The following ZNF268 variants were observed in gnomAD, a reference collection of about 807,000 sequenced individuals.
ZNF268 encodes the protein zinc finger protein 3.
In ZNF268, 20 loss-of-function variants were observed where a neutral mutation model predicts 29.3. The ratio of observed to expected loss-of-function variants is 0.68; its 90% CI spans 0.48 to 0.99. The LOEUF is 0.99. Among genes scored for constraint, ZNF268 ranks in the 50% least tolerant of loss-of-function variants. ZNF268 has a pLI of 0.00. For synonymous variants in ZNF268, 429 were observed against 376.9 expected, an observed-to-expected ratio of 1.14 and a Z score of -1.60; for missense variants, 1,240 against 1,121.6, an observed-to-expected ratio of 1.11 and a Z score of -1.51.
Position 133,188,004 on chromosome 12 carries a change from C to T in ZNF268, c.166C>T (p.Arg56Cys), listed in dbSNP as rs781577602. The T allele has an allele frequency of 6.3e-6, 10 of 1,596,434 alleles. No individual in the cohort carries two copies. Among genetic ancestry groups the T allele is most frequent in the East Asian group, 2.2e-5 (1 of 44,476 alleles). The stretch of plus-strand genomic sequence containing the variant: ...AACACCCAGGCAGAAGCAGAAGAGT[C>T]GCAGAATAGAGAAAGTCCTAGAGTG... The part of the protein sequence containing the change: ...PGTPRQKQKS[R>C]RIEKVLEWLF... Residue 56 changes from arginine (R) to cysteine (C), a missense_variant, in exon 3 of 6, where the codon CGC (arginine) becomes TGC (cysteine). Arg to Cys is a radical substitution (Grantham distance 180, BLOSUM62 -3). Coordinates refer to ENST00000536435, the MANE Select transcript of ZNF268 (RefSeq NM_003415.3).
Position 133,204,079 on chromosome 12 carries a change from A to G in ZNF268, c.2393A>G (p.His798Arg). Residue 798 changes from histidine (H) to arginine (R), a missense_variant, in exon 6 of 6, where the codon CAC becomes CGC. Transcript: ENST00000536435. ...AGCAGCAAGTCATACCTAATTATAC[A>G]CATGAGAACTCATTCAGGTGAAAAA... ...AFSSKSYLII[H>R]MRTHSGEKPY... 1 of 1,553,458 alleles carries G rather than the reference A, an allele frequency of 6.4e-7. No homozygotes were observed. Among genetic ancestry groups the G allele is most frequent in the East Asian group, 2.4e-5 (1 of 41,496 alleles).
intron 2 of ZNF268, among the ~76,000 whole-genome samples, chr12:133,183,624 G>C (rs908432233): frequency 2.6e-5 from 4 of 152,186 alleles, no homozygotes; most frequent in Non-Finnish European, 4.4e-5. Flanking sequence ...TGTGGGCCTG[G>C]TTGGGAGTGT....
rs1957026197 is a variant in ZNF268 at position 133,214,351 on chromosome 12, C to T, written c.*9821C>T. 6.6e-6 allele frequency: 1 copy of T among 152,138 alleles called. No individual in the cohort carries two copies. Among genetic ancestry groups the T allele is most frequent in the African/African-American group, 2.4e-5 (1 of 41,438 alleles). The allele number at this position is 152,138 out of a possible 1,614,324, so 9.4% of individuals were successfully genotyped here. On this transcript the variant is annotated 3_prime_UTR_variant, in exon 6 of 6. Coordinates refer to ENST00000536435, the MANE Select transcript of ZNF268 (RefSeq NM_003415.3). ...GTAAAGCTGCTATGACTGACCCTTG[C>T]TACAACGTGGAGGAACCTCAGAAAC...
At position 133,204,430 on chromosome 12, in the gene ZNF268, C is replaced by G. The variant is rs755999006; in HGVS notation, c.2744C>G (p.Thr915Arg). Residue 915 changes from threonine (T) to arginine (R), a missense_variant, in exon 6 of 6, where the codon ACA (threonine) becomes AGA (arginine). Transcript: ENST00000536435. Reference sequence around the variant, plus strand: ...CTCAGTGCACATCAGAGAACACATACAGGAGAGAAGCCTTGTAAGTGCACT... The same window carrying G: ...CTCAGTGCACATCAGAGAACACATAGAGGAGAGAAGCCTTGTAAGTGCACT... Reference protein sequence around the residue: ...SILSAHQRTHTGEKPCKCTEC... With the variant: ...SILSAHQRTHRGEKPCKCTEC... The G allele has an allele frequency of 3.2e-6, 5 of 1,565,998 alleles. No homozygotes were observed. In the Admixed American group the frequency reaches 9.3e-5, roughly 29 times the overall value.
In ZNF268 at chr12:133,214,565, G is replaced by GTATGA. The variant is rs1957029772; in HGVS notation, c.*10038_*10042dup. On this transcript the variant is annotated 3_prime_UTR_variant, in exon 6 of 6. Transcript: ENST00000536435. ...GCTGGCCACAAAAAGGTCACATACT[G>GTATGA]TATGATACCACTTATATGAAATACC... 6.6e-6 allele frequency: 1 copy of GTATGA among 152,192 alleles called. No homozygotes were observed. Among genetic ancestry groups the GTATGA allele is most frequent in the Non-Finnish European group, 1.5e-5 (1 of 68,034 alleles). The allele number at this position is 152,192 out of a possible 1,614,324, so 9.4% of individuals were successfully genotyped here.
In ZNF268 at chr12:133,203,968, T is replaced by C. The variant is rs142121386; in HGVS notation, c.2282T>C (p.Phe761Ser). The change falls in exon 6 of 6, where the codon TTT becomes TCT. Residue 761 changes from phenylalanine (F) to serine (S), a missense_variant. This residue lies in a region of ZNF268 where 1,177 missense variants were observed against 1,039.6 expected (regional missense o/e 1.13). Transcript: ENST00000536435. ...GAATGCAGTGAATGTGGGAAAGCCT[T>C]TAATAGGAAAGACCAGCTCATTTCA... ...PYECSECGKA[F>S]NRKDQLISHQ... 522 of 1,592,626 alleles carry C rather than the reference T, an allele frequency of 3.3e-4. 1 individual carries two copies. The East Asian group carries it at 4.1e-3, about 12-fold the overall frequency.
chr12:133,188,133 A>G (rs1366140944), intron 3 of ZNF268, 61 bp downstream of exon 3: 1 of 1,395,880 alleles, frequency 7.2e-7, no homozygotes, highest in Non-Finnish European at 9.7e-7. Flanking sequence ...TTTTTGGTGC[A>G]GAGAGGGATG....
Position 133,209,862 on chromosome 12 carries a change from T to C in ZNF268, c.*5332T>C, listed in dbSNP as rs930305038. On this transcript the variant is annotated 3_prime_UTR_variant, in exon 6 of 6. Coordinates refer to ENST00000536435, the MANE Select transcript of ZNF268 (RefSeq NM_003415.3). ...TAGGGTGCACATTTGCCCTTCCCTC[T>C]TGGGATCCAGGGTGATCCCACAGGT... 6.6e-6 allele frequency: 1 copy of C among 152,230 alleles called. No homozygotes were observed. Among genetic ancestry groups the C allele is most frequent in the African/African-American group, 2.4e-5 (1 of 41,456 alleles). 9.4% of individuals were successfully genotyped at this position (152,230 alleles called of 1,614,324 possible).
Position 133,204,031 on chromosome 12 carries a change from G to T in ZNF268, c.2345G>T (p.Cys782Phe). 1 of 1,572,564 alleles carries T rather than the reference G, an allele frequency of 6.4e-7. No homozygotes were observed. Among genetic ancestry groups the T allele is most frequent in the Non-Finnish European group, 8.6e-7 (1 of 1,162,076 alleles). Reference protein sequence around the residue: ...RTHAGEKPYGCSECGKAFSSK... With the variant: ...RTHAGEKPYGFSECGKAFSSK... The stretch of plus-strand genomic sequence containing the variant: ...CATGCAGGGGAAAAGCCTTATGGGT[G>T]CAGTGAATGTGGGAAAGCTTTTAGC... Residue 782 changes from cysteine to phenylalanine, a missense_variant, in exon 6 of 6, where the codon TGC becomes TTC. By Grantham distance (205) the Cys-to-Phe change is radical. This residue lies in a region of ZNF268 where 1,177 missense variants were observed against 1,039.6 expected (regional missense o/e 1.13). Coordinates refer to ENST00000536435, the MANE Select transcript of ZNF268 (RefSeq NM_003415.3).
rs375646445 is a variant in ZNF268, at chr12:133,211,209, A to AC, written c.*6679_*6680insC. On this transcript the variant is annotated 3_prime_UTR_variant, in exon 6 of 6. Transcript: ENST00000536435. Reference sequence around the variant, plus strand: ...GAAAAAGTGTTTGTATGCAAAATATAAAAAAAAAACCCTAAAATTGAACAA... The same window carrying AC: ...GAAAAAGTGTTTGTATGCAAAATATACAAAAAAAAACCCTAAAATTGAACAA... 0.64 allele frequency: 210,089 copies of AC among 326,138 alleles called. 64,449 individuals are homozygous for AC. The highest frequency in any genetic ancestry group is 0.91 in the East Asian group (11,777 of 12,942). 20.2% of individuals were successfully genotyped at this position (326,138 alleles called of 1,614,324 possible).
Position 133,211,308 on chromosome 12 carries a change from A to G in ZNF268, c.*6778A>G, listed in dbSNP as rs1956976660. ...AAAGATATACAGATGGTGGCCAGGC[A>G]CGGTGGCTCACGCCTGTAATCCCAG... is the stretch of plus-strand genomic sequence containing the variant. On this transcript the variant is annotated 3_prime_UTR_variant, in exon 6 of 6. Coordinates refer to ENST00000536435, the MANE Select transcript of ZNF268 (RefSeq NM_003415.3). 8.8e-6 allele frequency: 3 copies of G among 341,882 alleles called. No individual in the cohort carries two copies. Among genetic ancestry groups the G allele is most frequent in the South Asian group, 6.9e-5 (3 of 43,448 alleles). The allele number at this position is 341,882 out of a possible 1,614,324, so 21.2% of individuals were successfully genotyped here.
chr12:133,196,908 T>C (rs974665628), intron 5 of ZNF268, among the ~76,000 whole-genome samples: 9 of 152,050 alleles, frequency 5.9e-5, no homozygotes, highest in Admixed American at 3.3e-4. Context: ...CCTGCAGTTT[T>C]TCACAGTAAA....
At position 133,211,903 on chromosome 12, in the gene ZNF268, C is replaced by G. The variant is rs1566396541; in HGVS notation, c.*7373C>G. On this transcript the variant is annotated 3_prime_UTR_variant, in exon 6 of 6. Coordinates refer to ENST00000536435, the MANE Select transcript of ZNF268 (RefSeq NM_003415.3). ...TGCTTTGAAAACATAGGAGTTTGATCTAAACAAAACCCAGCATGTACTCAC... is the reference window on the plus strand; with the variant it reads ...TGCTTTGAAAACATAGGAGTTTGATGTAAACAAAACCCAGCATGTACTCAC... 1 of 152,202 alleles carries G rather than the reference C, an allele frequency of 6.6e-6. No homozygotes were observed. 9.4% of individuals were successfully genotyped at this position (152,202 alleles called of 1,614,324 possible).
rs1566380865 is a variant in ZNF268 at position 133,202,416 on chromosome 12, AT to A, written c.732del (p.Ile244MetfsTer3). The A allele has an allele frequency of 6.2e-6, 10 of 1,610,882 alleles. No homozygotes were observed. In the South Asian group the frequency reaches 1.1e-4, roughly 18 times the overall value. On this transcript the variant is annotated frameshift_variant, in exon 6 of 6. Coordinates refer to ENST00000536435, the MANE Select transcript of ZNF268 (RefSeq NM_003415.3). LOFTEE classifies it low-confidence loss of function (END_TRUNC). ...CCATTCTAAACATGAGCAAACTGTT[AT>A]TGGAATAAAATACTGTGAAAGTATT... Reference protein sequence around the residue: ...FFHSKHEQTVIGIKYCESIES... With the variant: ...FFHSKHEQTVXGIKYCESIES...
chr12:133,200,103 C>A (rs146260883), intron 5 of ZNF268, among the ~76,000 whole-genome samples: 1 of 151,946 alleles, frequency 6.6e-6, no homozygotes, highest in African/African-American at 2.4e-5. Flanking sequence ...TTTTCTAGTT[C>A]TTTTAATTGT....
At chr12:133,192,490 A>G (rs1566371077) in intron 5 of ZNF268, among the ~76,000 whole-genome samples, 1 of 151,974 alleles carries the variant, frequency 6.6e-6, no homozygotes. Context: ...TTCATTGTGC[A>G]TTTTAGCAAG....
rs1198038039 is a variant in ZNF268, at chr12:133,198,144, C to T, written c.458-4000C>T. Among the ~76,000 whole-genome samples the T allele has an allele frequency of 2.7e-5, 4 of 148,868 alleles. No homozygotes were observed. In the East Asian group the frequency reaches 7.7e-4, roughly 29 times the overall value. ...TCCTGAATGGTAATGCCTGGGTTTT[C>T]TTCTAGGGTTTTTATGGTTTTAGGT... On this transcript the variant is annotated intron_variant, in intron 5 of 5. Coordinates refer to ENST00000536435, the MANE Select transcript of ZNF268 (RefSeq NM_003415.3).
At chr12:133,197,508 G>A (rs927237146) in intron 5 of ZNF268, among the ~76,000 whole-genome samples, 3 of 151,966 alleles carry the variant, frequency 2.0e-5, no homozygotes, top group Non-Finnish European at 2.9e-5. Context: ...ACGTGTGCAT[G>A]TGTCTTTATA....
chr12:133,189,360 G>A (rs561409203), intron 3 of ZNF268, among the ~76,000 whole-genome samples: 1 of 151,580 alleles, frequency 6.6e-6, no homozygotes, highest in Non-Finnish European at 1.5e-5. Flanking sequence ...GACTACAGGT[G>A]CGCACTACCA....
Sources: allele counts gnomAD v4.1 joint callset (sites outside exome capture counted in the v4.1 genomes callset), GRCh38; gene constraint gnomAD v4.1.1; regional missense constraint gnomAD v4.1.1; transcripts MANE v1.5; gene names NCBI Gene and HGNC (gene_info 2026-07-23, HGNC 2026-07-21).